The following LRRN1 variants were observed in gnomAD, a reference collection of about 807,000 sequenced individuals.
The protein encoded by LRRN1 is leucine-rich repeat neuronal protein 1.
Under a neutral mutation model 45.8 loss-of-function variants are expected in LRRN1, and 14 were observed. That is an observed-to-expected ratio of 0.31 (90% CI 0.20 to 0.48). The LOEUF (loss-of-function observed/expected upper bound fraction) is 0.48. Ranked by LOEUF, LRRN1 falls within the 20% of genes least tolerant of loss-of-function variation. The pLI is 0.99. For missense variants in LRRN1, 789 were observed against 874.2 expected (o/e 0.90, Z 1.23); for synonymous variants, 359 against 330.1 (o/e 1.09, Z -0.95).
chr3:3,844,969 AT>A lies in LRRN1; in HGVS notation c.330del (p.Lys111ArgfsTer8). On this transcript the variant is annotated frameshift_variant, in exon 2 of 2. Coordinates refer to ENST00000319331, the MANE Select transcript of LRRN1 (RefSeq NM_020873.7). LOFTEE classifies it high-confidence loss of function. ...TTTCTCCCAAAACAACTTTACTAAC[AT>A]TAAGGAGGTCGGGCTGGCAAACCTA... Reference protein sequence around the residue: ...LDFSQNNFTNIKEVGLANLTQ... With the variant: ...LDFSQNNFTNXKEVGLANLTQ... The A allele has an allele frequency of 6.2e-7, 1 of 1,614,108 alleles. No homozygotes were observed. The highest frequency in any genetic ancestry group is 8.5e-7 in the Non-Finnish European group (1 of 1,180,010).
chr3:3,813,395 T>C (rs1305568936), intron 1 of LRRN1, among the ~76,000 whole-genome samples: 1 of 152,228 alleles, frequency 6.6e-6, no homozygotes. Flanking sequence ...TCCATCTTTG[T>C]ATTGACTTAT....
At chr3:3,830,186 T>C (rs1693335154) in intron 1 of LRRN1, among the ~76,000 whole-genome samples, 1 of 152,188 alleles carries the variant, frequency 6.6e-6, no homozygotes, top group Non-Finnish European at 1.5e-5. Flanking sequence ...AAGCCTCCTC[T>C]GCTGAGGTCA....
intron 1 of LRRN1, among the ~76,000 whole-genome samples, chr3:3,806,623 CAT>C (rs1156535819): frequency 6.6e-6 from 1 of 152,196 alleles, no homozygotes. Context: ...TAGCAATAGA[CAT>C]AGGACAGCAC....
chr3:3,821,635 A>G (rs696487), intron 1 of LRRN1, among the ~76,000 whole-genome samples: 131,129 of 152,170 alleles, frequency 0.86, 57,444 homozygotes, highest in East Asian at 0.95. Flanking sequence ...TTGCCTTTCA[A>G]CTGACACTAG....
rs139105995 is a variant in LRRN1, at chr3:3,824,285, G to C, written c.-278-20079G>C. Among the ~76,000 whole-genome samples, 1,126 of 152,174 alleles carry C rather than the reference G, an allele frequency of 7.4e-3. 10 individuals carry two copies. The highest frequency in any genetic ancestry group is 0.011 in the Non-Finnish European group (750 of 67,984). On this transcript the variant is annotated intron_variant, in intron 1 of 1. Coordinates refer to ENST00000319331, the MANE Select transcript of LRRN1 (RefSeq NM_020873.7). ...AGTTACATTCATATTATTCATGAGG[G>C]CTTTCCTATCTTGAATGTCCAACTC...
chr3:3,807,884 T>A lies in LRRN1; in HGVS notation c.-279+7965T>A, dbSNP rs572048694. On this transcript the variant is annotated intron_variant, in intron 1 of 1. Transcript: ENST00000319331. Reference sequence around the variant, plus strand: ...AAGGCCTAACCCCCCAAAGGACCAGTTAGCTTTGCTGTGTTCCACAGGGAC... The same window carrying A: ...AAGGCCTAACCCCCCAAAGGACCAGATAGCTTTGCTGTGTTCCACAGGGAC... Among the ~76,000 whole-genome samples the A allele has an allele frequency of 3.9e-5, 6 of 152,306 alleles. No individual in the cohort carries two copies. The South Asian group carries it at 8.3e-4, about 21-fold the overall frequency.
rs764868768 is a variant in LRRN1 at position 3,816,968 on chromosome 3, A to C, written c.-279+17049A>C. 6.6e-6 allele frequency among the ~76,000 whole-genome samples: 1 copy of C among 152,172 alleles called. No homozygotes were observed. The highest frequency in any genetic ancestry group is 1.5e-5 in the Non-Finnish European group (1 of 68,014). On this transcript the variant is annotated intron_variant, in intron 1 of 1. Transcript: ENST00000319331. This position sits in a 1 kb window ranked among gnomAD's most constrained non-coding sequence, Gnocchi z 4.0. ...AATAGGATGGGTGATTGATTGATTG[A>C]TTGATAAGATAGATAAGATACGATA...
At chr3:3,810,956 T>C (rs1692859786) in intron 1 of LRRN1, among the ~76,000 whole-genome samples, 1 of 152,228 alleles carries the variant, frequency 6.6e-6, no homozygotes, top group South Asian at 2.1e-4. Context: ...TTCATTGTCT[T>C]GTTTAATCCT....
At chr3:3,803,494 T>A (rs1692697166) in intron 1 of LRRN1, among the ~76,000 whole-genome samples, 1 of 152,234 alleles carries the variant, frequency 6.6e-6, no homozygotes, top group Non-Finnish European at 1.5e-5. Context: ...TGTCAGGTTA[T>A]TCAAATATTG....
rs1160243427 is a variant in LRRN1 at position 3,847,794 on chromosome 3, A to T, written c.*1002A>T. Reference sequence around the variant, plus strand: ...AAGAAATGTCTATTTTAATTAAGATATTTTAATGAACAGGATTTCTGTATT... The same window carrying T: ...AAGAAATGTCTATTTTAATTAAGATTTTTTAATGAACAGGATTTCTGTATT... On this transcript the variant is annotated 3_prime_UTR_variant, in exon 2 of 2. Coordinates refer to ENST00000319331, the MANE Select transcript of LRRN1 (RefSeq NM_020873.7). 1 of 166,454 alleles carries T rather than the reference A, an allele frequency of 6.0e-6. No homozygotes were observed. The highest frequency in any genetic ancestry group is 1.5e-5 in the Non-Finnish European group (1 of 68,118). The allele number at this position is 166,454 out of a possible 1,614,324, so 10.3% of individuals were successfully genotyped here. A position where few individuals can be genotyped will look rare whatever the true frequency, so the allele number is the denominator to read the frequency against.
intron 1 of LRRN1, among the ~76,000 whole-genome samples, chr3:3,841,328 A>T (rs1559308832): frequency 8.6e-6 from 1 of 116,604 alleles, no homozygotes; most frequent in African/African-American, 3.0e-5. Flanking sequence ...ATTCTGTCTC[A>T]GTTATGAAAG....
chr3:3,846,634 T>C lies in LRRN1; in HGVS notation c.1993T>C (p.Leu665=). ...TAAGAGAAAAAACTACCACCACTCA[T>C]TAAAAAAGTATATGCAAAAAACCTC... ...RFKRKNYHHS[L]KKYMQKTSSI... is the part of the protein sequence containing the mutation. Residue 665 remains leucine (L), a synonymous_variant, in exon 2 of 2, where the codon TTA becomes CTA. Transcript: ENST00000319331. This position sits in a 1 kb window ranked among gnomAD's most constrained non-coding sequence, Gnocchi z 5.7. 2 of 1,614,008 alleles carry C rather than the reference T, an allele frequency of 1.2e-6. No individual in the cohort carries two copies. The highest frequency in any genetic ancestry group is 1.7e-6 in the Non-Finnish European group (2 of 1,180,000).
rs1277077587 is a variant in LRRN1, at chr3:3,841,002, C to T, written c.-278-3362C>T. 2.0e-5 allele frequency among the ~76,000 whole-genome samples: 3 copies of T among 152,066 alleles called. No homozygotes were observed. In the East Asian group the frequency reaches 5.8e-4, roughly 29 times the overall value. On this transcript the variant is annotated intron_variant, in intron 1 of 1. Transcript: ENST00000319331. ...TACATTTCCTTACATTCAATAGAAA[C>T]ATAAAAATTAGTTGAGGCTGGGTGC...
intron 1 of LRRN1, among the ~76,000 whole-genome samples, chr3:3,835,829 A>G (rs551065299): frequency 2.2e-4 from 33 of 152,126 alleles, no homozygotes; most frequent in Admixed American, 4.6e-4. Flanking sequence ...TCAGAATTTT[A>G]TACTCAGAAC....
At chr3:3,833,762 A>G (rs1039900301) in intron 1 of LRRN1, among the ~76,000 whole-genome samples, 5 of 152,174 alleles carry the variant, frequency 3.3e-5, no homozygotes, top group Non-Finnish European at 7.3e-5. Flanking sequence ...GGAAAGGCCT[A>G]TGGCAGCATG....
At chr3:3,824,403 A>C (rs1161462758) in intron 1 of LRRN1, among the ~76,000 whole-genome samples, 1 of 152,160 alleles carries the variant, frequency 6.6e-6, no homozygotes, top group East Asian at 1.9e-4. Context: ...ATCACCAATT[A>C]AGAGAAATTT....
Position 3,844,981 on chromosome 3 carries a change from G to A in LRRN1, c.340G>A (p.Gly114Arg), listed in dbSNP as rs144732216. 9,158 of 1,614,034 alleles carry A rather than the reference G, an allele frequency of 5.7e-3. 107 individuals are homozygous for A. Among genetic ancestry groups the A allele is most frequent in the Non-Finnish European group, 4.8e-3 (5,694 of 1,179,992 alleles). ...CAACTTTACTAACATTAAGGAGGTCGGGCTGGCAAACCTAACCCAGCTCAC... is the reference window on the plus strand; with the variant it reads ...CAACTTTACTAACATTAAGGAGGTCAGGCTGGCAAACCTAACCCAGCTCAC... ...QNNFTNIKEV[G>R]LANLTQLTTL... Residue 114 changes from glycine to arginine, a missense_variant, in exon 2 of 2, where the codon GGG becomes AGG. Physicochemically the swap from Gly to Arg is moderately radical, Grantham distance 125 (BLOSUM62 -2). Coordinates refer to ENST00000319331, the MANE Select transcript of LRRN1 (RefSeq NM_020873.7).
intron 1 of LRRN1, among the ~76,000 whole-genome samples, chr3:3,825,521 A>C (rs1362552300): frequency 1.3e-5 from 2 of 152,204 alleles, no homozygotes; most frequent in Non-Finnish European, 2.9e-5. Context: ...AAAGGAGAAA[A>C]GGAAAAGAAA....
intron 1 of LRRN1, chr3:3,827,328 T>C: frequency 2.8e-6 from 1 of 356,352 alleles, no homozygotes; most frequent in South Asian, 2.1e-5. Flanking sequence ...GTTTCAGACA[T>C]CTGAAAGCCC....
Sources: gnomAD v4.1 joint callset for allele counts (sites outside exome capture counted in the v4.1 genomes callset) on GRCh38, gnomAD v4.1.1 for gene constraint, Gnocchi (gnomAD v3.1) non-coding constraint, MANE v1.5 for transcripts, NCBI Gene and HGNC (gene_info 2026-07-23, HGNC 2026-07-21) for gene names.